Variants in CEPT1 observed in about 807,000 individuals in gnomAD.
CEPT1 encodes the protein choline/ethanolaminephosphotransferase 1.
In CEPT1, 7 loss-of-function variants were observed where a neutral mutation model predicts 42.6. The observed-to-expected ratio is 0.16, with a 90% CI of 0.09 to 0.31. CEPT1 has a LOEUF of 0.31. Ranked by LOEUF, CEPT1 falls within the 10% of genes least tolerant of loss-of-function variation. The pLI, the probability that CEPT1 is intolerant of heterozygous loss-of-function variation, is 1.00. For missense variants in CEPT1, 306 were observed against 502.1 expected (o/e 0.61, Z 3.73); for synonymous variants, 171 against 171.9 (o/e 0.99, Z 0.04).
chr1:111,152,278 T>C lies in CEPT1; in HGVS notation c.339+4225T>C, dbSNP rs1430901372. Among the ~76,000 whole-genome samples the C allele has an allele frequency of 2.6e-5, 4 of 152,114 alleles. No homozygotes were observed. The South Asian group carries it at 8.3e-4, about 31-fold the overall frequency. Reference sequence around the variant, plus strand: ...GTGAAAAGAAAATTAAAACGGCACATTGACCATAATTTCACTGCCCAGTTA... The same window carrying C: ...GTGAAAAGAAAATTAAAACGGCACACTGACCATAATTTCACTGCCCAGTTA... On this transcript the variant is annotated intron_variant, in intron 2 of 8. Coordinates refer to ENST00000357172, the MANE Select transcript of CEPT1 (RefSeq NM_006090.5).
At chr1:111,170,740 C>T (rs1466634839) in intron 4 of CEPT1, among the ~76,000 whole-genome samples, 2 of 152,118 alleles carry the variant, frequency 1.3e-5, no homozygotes, top group African/African-American at 4.8e-5. Flanking sequence ...GAGTTAATAG[C>T]TATCTAATCC....
At chr1:111,155,548 G>T (rs867340873) in intron 2 of CEPT1, among the ~76,000 whole-genome samples, 42 of 150,524 alleles carry the variant, frequency 2.8e-4, no homozygotes, top group African/African-American at 6.1e-4. Context: ...TTTTTTGGGG[G>T]TTTTTTTTGA....
intron 4 of CEPT1, among the ~76,000 whole-genome samples, chr1:111,162,768 G>A (rs1053694068): frequency 6.6e-6 from 1 of 152,230 alleles, no homozygotes; most frequent in Non-Finnish European, 1.5e-5. Context: ...ACTATTCATA[G>A]TAATTTCTGT....
At chr1:111,179,356 C>T (rs1656857289) in intron 5 of CEPT1, 1 of 152,174 alleles carries the variant, frequency 6.6e-6, no homozygotes, top group South Asian at 2.1e-4. Context: ...TCTTACTCTT[C>T]CCAACTCTTA....
chr1:111,139,795 A>G (rs2101173198), upstream of CEPT1: 1 of 152,884 alleles, frequency 6.5e-6, no homozygotes, highest in East Asian at 1.9e-4. Context: ...AGCTGCACTC[A>G]TCCCCGCCCC....
rs560440365 is a variant in CEPT1 at position 111,145,084 on chromosome 1, C to T, written c.-73-2558C>T. Among the ~76,000 whole-genome samples the T allele has an allele frequency of 1.6e-3, 248 of 151,856 alleles. 1 individual carries two copies. The highest frequency in any genetic ancestry group is 5.4e-3 in the African/African-American group (224 of 41,406). On this transcript the variant is annotated intron_variant, in intron 1 of 8. Transcript: ENST00000357172. ...AGGCTGGAATGCAGTGGTGCGATCT[C>T]GGCTCACTGCAACCTTCGCCTCCTG...
intron 3 of CEPT1, 146 bp from the exon 4 acceptor site, chr1:111,161,009 A>T: frequency 1.2e-6 from 1 of 811,600 alleles, no homozygotes. Context: ...TATGTAACAG[A>T]TTATATCCTA....
intron 4 of CEPT1, among the ~76,000 whole-genome samples, chr1:111,162,505 G>A (rs2101320374): frequency 6.6e-6 from 1 of 152,292 alleles, no homozygotes; most frequent in East Asian, 1.9e-4. Context: ...ACAGGAAGAG[G>A]AACCTATTTA....
intron 4 of CEPT1, among the ~76,000 whole-genome samples, chr1:111,168,543 C>T (rs923376820): frequency 9.9e-5 from 15 of 150,776 alleles, no homozygotes; most frequent in Admixed American, 2.6e-4. Flanking sequence ...GGCTGGAGTG[C>T]GGTGGAGCTA....
intron 5 of CEPT1, chr1:111,178,981 A>T (rs534378935): frequency 1.3e-5 from 2 of 152,322 alleles, no homozygotes; most frequent in Non-Finnish European, 2.9e-5. Context: ...GAATTCATTT[A>T]CATTAAAATG....
intron 1 of CEPT1, among the ~76,000 whole-genome samples, chr1:111,141,141 CTT>C (rs901021444): frequency 1.3e-5 from 2 of 152,124 alleles, no homozygotes; most frequent in African/African-American, 4.8e-5. Context: ...AGTGTCTCGT[CTT>C]GTATGTGGAC....
chr1:111,151,227 CG>C (rs1557924415), intron 2 of CEPT1, among the ~76,000 whole-genome samples: 2 of 151,392 alleles, frequency 1.3e-5, no homozygotes, highest in African/African-American at 4.9e-5. Flanking sequence ...CTGGTTCAAG[CG>C]ATTTCTCCTG....
intron 2 of CEPT1, among the ~76,000 whole-genome samples, chr1:111,152,614 G>A (rs974525814): frequency 1.3e-5 from 2 of 152,060 alleles, no homozygotes; most frequent in African/African-American, 2.4e-5. Context: ...AAGTCTAAAG[G>A]CAAACATAGG....
At chr1:111,139,575 T>TGTTGAA (rs1654096764), upstream of CEPT1, 1 of 152,304 alleles carries the variant, frequency 6.6e-6, no homozygotes, top group Non-Finnish European at 1.5e-5. Flanking sequence ...TCTTGGTAAC[T>TGTTGAA]GCTTCAACAA....
intron 4 of CEPT1, chr1:111,167,373 TAAATA>T: frequency 1.1e-6 from 1 of 945,040 alleles, no homozygotes; most frequent in Non-Finnish European, 1.3e-6. Flanking sequence ...TCCACCCTAT[TAAATA>T]AAATTTTTAA....
At chr1:111,158,090 C>G (rs989251112) in intron 2 of CEPT1, among the ~76,000 whole-genome samples, 2 of 152,102 alleles carry the variant, frequency 1.3e-5, no homozygotes, top group African/African-American at 4.8e-5. Flanking sequence ...GCCTGTAATC[C>G]CAACACTTTG....
intron 5 of CEPT1, among the ~76,000 whole-genome samples, chr1:111,176,047 A>G (rs1656661458): frequency 6.6e-6 from 1 of 152,172 alleles, no homozygotes; most frequent in South Asian, 2.1e-4. Flanking sequence ...TAATTGATAC[A>G]CTACCCACAG....
chr1:111,159,433 T>G lies in CEPT1; in HGVS notation c.393T>G (p.Ser131=), dbSNP rs1655756893. The change falls in exon 3 of 9, where the codon TCT becomes TCG. Residue 131 remains serine (S), a synonymous_variant. Transcript: ENST00000357172. ...CCTGTGGCCTTTTCATTTACCAGTC[T>G]TTGGATGCTATTGATGGGAAACAGG... is the stretch of plus-strand genomic sequence containing the variant. ...ACACGLFIYQ[S]LDAIDGKQAR... 3.7e-6 allele frequency: 6 copies of G among 1,613,378 alleles called. No individual in the cohort carries two copies. Among genetic ancestry groups the G allele is most frequent in the Non-Finnish European group, 5.1e-6 (6 of 1,179,762 alleles).
chr1:111,141,624 A>C (rs1358647076), intron 1 of CEPT1, among the ~76,000 whole-genome samples: 1 of 152,118 alleles, frequency 6.6e-6, no homozygotes, highest in Non-Finnish European at 1.5e-5. Context: ...TTAAGGGGGA[A>C]GAAAGTGATT....
Sources: gnomAD v4.1 joint callset for allele counts (sites outside exome capture counted in the v4.1 genomes callset) on GRCh38, gnomAD v4.1.1 for gene constraint, MANE v1.5 for transcripts, NCBI Gene and HGNC (gene_info 2026-07-23, HGNC 2026-07-21) for gene names.